CNTRL: variants seen among roughly 807,000 people sequenced by gnomAD.
CNTRL encodes the protein 110 kDa centrosomal protein.
CNTRL carries 233 observed loss-of-function variants against 303.7 expected under a neutral mutation model. The observed-to-expected ratio is 0.77, with a 90% confidence interval of 0.69 to 0.86. CNTRL has a LOEUF of 0.86. Among genes scored for constraint, CNTRL ranks in the 40% least tolerant of loss-of-function variants. CNTRL has a pLI of 0.00. For missense variants in CNTRL, 2,524 were observed against 2,650.6 expected, an observed-to-expected ratio of 0.95 and a Z score of 1.05; for synonymous variants, 900 against 922.2, an observed-to-expected ratio of 0.98 and a Z score of 0.44.
intron 4 of CNTRL, among the ~76,000 whole-genome samples, chr9:121,094,102 G>T (rs903541369): frequency 6.6e-6 from 1 of 151,174 alleles, no homozygotes; most frequent in Non-Finnish European, 1.5e-5. Context: ...AGCGAGACTC[G>T]GTCCCCGCCC....
intron 2 of CNTRL, among the ~76,000 whole-genome samples, chr9:121,085,425 A>T (rs544513019): frequency 6.7e-6 from 1 of 149,612 alleles, no homozygotes; most frequent in South Asian, 2.1e-4. Context: ...ATATGCATAC[A>T]GAGAGAGAGA....
At chr9:121,092,552 C>A (rs372683777) in intron 4 of CNTRL, among the ~76,000 whole-genome samples, 4 of 14,950 alleles carry the variant, frequency 2.7e-4, no homozygotes, top group African/African-American at 6.2e-4. Flanking sequence ...TTATATATAT[C>A]TATATATATA....
intron 7 of CNTRL, among the ~76,000 whole-genome samples, chr9:121,100,981 C>A (rs976630460): frequency 1.3e-5 from 2 of 151,262 alleles, no homozygotes; most frequent in Admixed American, 6.6e-5. Flanking sequence ...ACACCCCCCA[C>A]TGTCAATGTT....
At chr9:121,123,193 G>T (rs931740143) in intron 12 of CNTRL, among the ~76,000 whole-genome samples, 16 of 151,988 alleles carry the variant, frequency 1.1e-4, no homozygotes, top group South Asian at 4.2e-4. Flanking sequence ...TTCCACCCAG[G>T]TATAATTCTT....
chr9:121,084,829 C>A (rs1301097742), intron 2 of CNTRL, among the ~76,000 whole-genome samples: 1 of 152,162 alleles, frequency 6.6e-6, no homozygotes, highest in Non-Finnish European at 1.5e-5. Flanking sequence ...CAGGCATGAG[C>A]CACTATGCCC....
chr9:121,116,786 G>A (rs1229392262), intron 11 of CNTRL, among the ~76,000 whole-genome samples: 8 of 152,146 alleles, frequency 5.3e-5, no homozygotes, highest in Non-Finnish European at 1.2e-4. Context: ...GGCAAGAGAT[G>A]ATACTAGCAC....
chr9:121,075,338 G>T (rs2047875849), intron 1 of CNTRL, among the ~76,000 whole-genome samples: 1 of 152,228 alleles, frequency 6.6e-6, no homozygotes, highest in African/African-American at 2.4e-5. Flanking sequence ...GTGTGGGGAG[G>T]TGTGGAAGTT....
intron 31 of CNTRL, among the ~76,000 whole-genome samples, chr9:121,159,281 C>A (rs775183535): frequency 2.0e-5 from 3 of 152,094 alleles, no homozygotes; most frequent in Non-Finnish European, 4.4e-5. Flanking sequence ...TCCCTTTCTC[C>A]CCTATCACTA....
chr9:121,168,283 G>C lies in CNTRL; in HGVS notation c.6032G>C (p.Arg2011Thr), dbSNP rs143411402. Residue 2011 changes from arginine (R) to threonine (T), a missense_variant, in exon 38 of 44, where the codon AGG becomes ACG. Physicochemically the swap from Arg to Thr is moderately conservative, Grantham distance 71. Transcript: ENST00000373855. ...GTTAGGACTCTGCAGGAAGAGGAGA[G>C]GTGGTGTGAGAGCCTGGAGAAGACA... is the stretch of plus-strand genomic sequence containing the variant. ...ERVRTLQEEERWCESLEKTLS... is the reference protein window; with the variant it reads ...ERVRTLQEEETWCESLEKTLS... 4.3e-6 allele frequency: 7 copies of C among 1,614,034 alleles called. No homozygotes were observed. Among genetic ancestry groups the C allele is most frequent in the Non-Finnish European group, 5.1e-6 (6 of 1,180,044 alleles).
chr9:121,158,780 C>T, intron 30 of CNTRL, 75 bp from the exon 31 acceptor site: 1 of 1,388,210 alleles, frequency 7.2e-7, no homozygotes, highest in East Asian at 2.3e-5. Context: ...TACCTCACAA[C>T]TAAATTATCT....
intron 2 of CNTRL, among the ~76,000 whole-genome samples, chr9:121,080,919 T>G (rs1474057800): frequency 6.6e-6 from 1 of 152,226 alleles, no homozygotes; most frequent in Non-Finnish European, 1.5e-5. Flanking sequence ...ATGGGAGCCT[T>G]CAGAATGAAG....
At chr9:121,100,258 A>G (rs1295771365) in intron 7 of CNTRL, among the ~76,000 whole-genome samples, 1 of 152,246 alleles carries the variant, frequency 6.6e-6, no homozygotes, top group Non-Finnish European at 1.5e-5. Flanking sequence ...AATATTCAAC[A>G]TTCTTAAAGA....
At chr9:121,169,547 G>T in intron 38 of CNTRL, 64 bp from the exon 39 acceptor site, 1 of 1,496,898 alleles carries the variant, frequency 6.7e-7, no homozygotes, top group Non-Finnish European at 9.3e-7. Context: ...CACAAGGGAA[G>T]GGGAGCTCTG....
At position 121,088,509 on chromosome 9, in the gene CNTRL, A is replaced by T; in HGVS notation, c.183A>T (p.Glu61Asp). 1 of 1,611,204 alleles carries T rather than the reference A, an allele frequency of 6.2e-7. No homozygotes were observed. The highest frequency in any genetic ancestry group is 2.2e-5 in the East Asian group (1 of 44,820). ...GTGAGCAAGTTGAGATTGCAGATGA[A>T]AACAATATGCTTTTGGACTATCAAG... ...QWCEQVEIAD[E>D]NNMLLDYQDH... Residue 61 changes from glutamate (E) to aspartate (D), a missense_variant, in exon 3 of 44, where the codon GAA becomes GAT. By Grantham distance (45) the Glu-to-Asp change is conservative. Transcript: ENST00000373855.
intron 10 of CNTRL, among the ~76,000 whole-genome samples, chr9:121,114,167 TGCC>T (rs1349074043): frequency 1.3e-5 from 2 of 152,248 alleles, no homozygotes; most frequent in Admixed American, 6.5e-5. Flanking sequence ...TTTCCTGACA[TGCC>T]CCATGCCCCA....
chr9:121,150,283 C>T lies in CNTRL; in HGVS notation c.3763C>T (p.Pro1255Ser). The change falls in exon 25 of 44, where the codon CCT (proline) becomes TCT (serine). Residue 1255 changes from proline to serine, a missense_variant. By Grantham distance (74) the Pro-to-Ser change is moderately conservative. Transcript: ENST00000373855. ...GTATACTGTGCTTCCTGATGGTTCT[C>T]CTGTACCCCAGGGCATGGCCCTGTA... ...MMYTVLPDGS[P>S]VPQGMALYAP... 1 of 1,614,186 alleles carries T rather than the reference C, an allele frequency of 6.2e-7. No individual in the cohort carries two copies. The highest frequency in any genetic ancestry group is 8.5e-7 in the Non-Finnish European group (1 of 1,180,020).
Position 121,119,297 on chromosome 9 carries a change from TTCTCTCTC to T in CNTRL, c.1650+767_1650+774del, listed in dbSNP as rs541809135. ...CTCCTTGCCTTTTTTTCATCTTTCT[TTCTCTCTC>T]TCTCTCTCTTTTTTTTTTTTTTGCT... On this transcript the variant is annotated intron_variant, in intron 12 of 43. Transcript: ENST00000373855. 2.4e-3 allele frequency among the ~76,000 whole-genome samples: 357 copies of T among 150,874 alleles called. 1 individual carries two copies. The highest frequency in any genetic ancestry group is 8.5e-3 in the African/African-American group (349 of 41,026).
intron 21 of CNTRL, 27 bp downstream of exon 21, chr9:121,144,986 TC>T: frequency 6.4e-7 from 1 of 1,558,674 alleles, no homozygotes; most frequent in Non-Finnish European, 8.8e-7. Context: ...AGAGACCTCC[TC>T]TTTCTCAGAT....
At chr9:121,126,567 T>A (rs1428571361) in intron 14 of CNTRL, among the ~76,000 whole-genome samples, 2 of 152,198 alleles carry the variant, frequency 1.3e-5, no homozygotes, top group Non-Finnish European at 2.9e-5. Context: ...ATATTTAACA[T>A]CATGTACTGA....
Sources: gnomAD v4.1 joint callset for allele counts (sites outside exome capture counted in the v4.1 genomes callset) on GRCh38, gnomAD v4.1.1 for gene constraint, MANE v1.5 for transcripts, NCBI Gene and HGNC (gene_info 2026-07-23, HGNC 2026-07-21) for gene names.